PRR5L: variants seen among roughly 807,000 people sequenced by gnomAD.
PRR5L encodes proline rich 5 like.
In PRR5L, 21 loss-of-function variants were observed where a neutral mutation model predicts 36.4. The observed-to-expected ratio is 0.58, with a 90% confidence interval of 0.41 to 0.83. The LOEUF (loss-of-function observed/expected upper bound fraction) is 0.83. Ranked by LOEUF, PRR5L falls within the 40% of genes least tolerant of loss-of-function variation. The probability of loss-of-function intolerance (pLI) is 0.00; values close to 1 mark genes in which losing one functional copy is unlikely to be tolerated. For synonymous variants in PRR5L, 188 were observed against 197.0 expected, an observed-to-expected ratio of 0.95 and a Z score of 0.38; for missense variants, 381 against 473.3, an observed-to-expected ratio of 0.80 and a Z score of 1.81.
rs1160404802 is a variant in PRR5L at position 36,377,204 on chromosome 11, A to T, written c.-125-23793A>T. Among the ~76,000 whole-genome samples the T allele has an allele frequency of 2.0e-5, 3 of 152,102 alleles. No homozygotes were observed. Among genetic ancestry groups the T allele is most frequent in the Non-Finnish European group, 4.4e-5 (3 of 68,012 alleles). ...TTTTCTGGAGGGAGGCGTGGGAGAG[A>T]AGGGCAGGGCAGGGAGCCACTTTGT... On this transcript the variant is annotated intron_variant, in intron 1 of 8. Coordinates refer to ENST00000530639, the MANE Select transcript of PRR5L (RefSeq NM_001160167.2). The surrounding 1 kb of genome is among the most constrained non-coding windows in gnomAD (Gnocchi z 5.1).
intron 1 of PRR5L, among the ~76,000 whole-genome samples, chr11:36,363,766 G>A (rs543558592): frequency 6.6e-6 from 1 of 152,270 alleles, no homozygotes; most frequent in East Asian, 1.9e-4. Flanking sequence ...AAACAGCTGG[G>A]CCAGAGGAAA....
chr11:36,443,073 T>G, intron 6 of PRR5L, among the ~76,000 whole-genome samples: 1 of 152,286 alleles, frequency 6.6e-6, no homozygotes, highest in East Asian at 1.9e-4. Context: ...ACTGGGTAAT[T>G]TATTTATTTA....
rs763202919 is a variant in PRR5L at position 36,437,373 on chromosome 11, G to A, written c.353-12G>A. 2.1e-5 allele frequency: 33 copies of A among 1,564,640 alleles called. No homozygotes were observed. In the Middle Eastern group the frequency reaches 8.4e-4, roughly 40 times the overall value. Reference sequence around the variant, plus strand: ...TTTCTTCCTCCCTTCCCATCTTCTCGCCCTCTTGTAGGTGAAAATCGCATT... The same window carrying A: ...TTTCTTCCTCCCTTCCCATCTTCTCACCCTCTTGTAGGTGAAAATCGCATT... On this transcript the variant is annotated splice_polypyrimidine_tract_variant and intron_variant, in intron 5 of 8. Coordinates refer to ENST00000530639, the MANE Select transcript of PRR5L (RefSeq NM_001160167.2).
intron 6 of PRR5L, among the ~76,000 whole-genome samples, chr11:36,437,846 CT>C (rs1339298032): frequency 1.3e-5 from 2 of 151,796 alleles, no homozygotes; most frequent in African/African-American, 2.4e-5. Flanking sequence ...TCTCCCCCTA[CT>C]TTTTTTTGTG....
intron 4 of PRR5L, among the ~76,000 whole-genome samples, chr11:36,421,767 C>T (rs889637054): frequency 7.2e-6 from 1 of 139,826 alleles, no homozygotes; most frequent in Non-Finnish European, 1.6e-5. Context: ...TTAGAAACTG[C>T]TCTCCTCTTT....
intron 1 of PRR5L, among the ~76,000 whole-genome samples, chr11:36,299,778 C>T (rs947870416): frequency 6.6e-6 from 1 of 152,144 alleles, no homozygotes; most frequent in Non-Finnish European, 1.5e-5. Context: ...ATTTACTTCT[C>T]TGGGCCTTCA....
intron 1 of PRR5L, among the ~76,000 whole-genome samples, chr11:36,329,831 T>G (rs963775157): frequency 3.9e-5 from 6 of 152,174 alleles, no homozygotes; most frequent in African/African-American, 7.2e-5. Flanking sequence ...ACATACAGTT[T>G]CCTGAGACTG....
intron 6 of PRR5L, among the ~76,000 whole-genome samples, chr11:36,437,919 G>A (rs932782038): frequency 3.3e-5 from 5 of 152,002 alleles, no homozygotes; most frequent in African/African-American, 4.8e-5. Context: ...GTAACATTCC[G>A]TGTTCCTCTG....
intron 1 of PRR5L, among the ~76,000 whole-genome samples, chr11:36,400,147 G>C (rs1857760315): frequency 6.6e-6 from 1 of 152,216 alleles, no homozygotes; most frequent in East Asian, 1.9e-4. Flanking sequence ...AAAAGGAAGA[G>C]AATTCTGGGC....
At chr11:36,411,891 G>A (rs577059418) in intron 3 of PRR5L, among the ~76,000 whole-genome samples, 5 of 152,270 alleles carry the variant, frequency 3.3e-5, no homozygotes, top group Non-Finnish European at 5.9e-5. Context: ...AGGAAGATGC[G>A]AGAAGCAGTG....
At chr11:36,311,486 A>G (rs1324418757) in intron 1 of PRR5L, among the ~76,000 whole-genome samples, 2 of 152,188 alleles carry the variant, frequency 1.3e-5, no homozygotes, top group Admixed American at 6.5e-5. Context: ...TGAATTTTAT[A>G]TCATCTTAAC....
intron 1 of PRR5L, among the ~76,000 whole-genome samples, chr11:36,350,337 G>A (rs1856916306): frequency 6.6e-6 from 1 of 151,674 alleles, no homozygotes; most frequent in Non-Finnish European, 1.5e-5. Flanking sequence ...GAGTGTGTGT[G>A]TATGCATGTG....
chr11:36,332,088 G>A (rs1856725025), intron 1 of PRR5L, among the ~76,000 whole-genome samples: 1 of 152,046 alleles, frequency 6.6e-6, no homozygotes, highest in East Asian at 1.9e-4. Context: ...CTTTAGACGG[G>A]TTCATTCTTA....
intron 6 of PRR5L, among the ~76,000 whole-genome samples, chr11:36,439,732 TTCC>T (rs1344836729): frequency 6.6e-6 from 1 of 152,210 alleles, no homozygotes; most frequent in Admixed American, 6.5e-5. Context: ...AAACTGTGCC[TTCC>T]TCCTCCTTTT....
intron 1 of PRR5L, among the ~76,000 whole-genome samples, chr11:36,360,006 CAG>C (rs1234605757): frequency 2.9e-4 from 44 of 151,482 alleles, no homozygotes; most frequent in Admixed American, 2.8e-3. Flanking sequence ...CACTGCACTC[CAG>C]CCTGGGCGAC....
chr11:36,404,352 A>G (rs1857866748), intron 3 of PRR5L, among the ~76,000 whole-genome samples: 1 of 150,706 alleles, frequency 6.6e-6, no homozygotes, highest in Non-Finnish European at 1.5e-5. Flanking sequence ...GCTCACTGCA[A>G]CCTCTGCTTC....
chr11:36,359,306 G>A (rs1020909949), intron 1 of PRR5L, among the ~76,000 whole-genome samples: 11 of 152,200 alleles, frequency 7.2e-5, no homozygotes, highest in Non-Finnish European at 1.5e-4. Flanking sequence ...TTGTCTTAGC[G>A]TGGGAGAGAG....
intron 1 of PRR5L, chr11:36,376,330 G>A: frequency 9.1e-7 from 1 of 1,096,196 alleles, no homozygotes; most frequent in Non-Finnish European, 1.1e-6. Flanking sequence ...AGGGGGAGAA[G>A]GGGGAGGAGG....
chr11:36,410,721 G>A (rs1304702086), intron 3 of PRR5L, among the ~76,000 whole-genome samples: 1 of 152,214 alleles, frequency 6.6e-6, no homozygotes, highest in East Asian at 1.9e-4. Context: ...CTGAGTCAAG[G>A]ACACCACCTC....
Sources: allele counts gnomAD v4.1 joint callset (sites outside exome capture counted in the v4.1 genomes callset), GRCh38; gene constraint gnomAD v4.1.1; non-coding constraint Gnocchi (gnomAD v3.1); transcripts MANE v1.5; gene names NCBI Gene and HGNC (gene_info 2026-07-23, HGNC 2026-07-21).